The following NAALADL2 variants were observed in gnomAD, a reference collection of about 807,000 sequenced individuals.
NAALADL2 encodes the protein inactive N-acetylated-alpha-linked acidic dipeptidase-like protein 2.
A neutral mutation model predicts 87.2 loss-of-function variants in NAALADL2; 76 were observed. That is an observed-to-expected ratio of 0.87 (90% CI 0.72 to 1.05). The LOEUF is 1.05. Among genes scored for constraint, NAALADL2 ranks in the 50% least tolerant of loss-of-function variants. NAALADL2 has a pLI of 0.00. For missense variants in NAALADL2, 1,089 were observed against 945.8 expected (o/e 1.15, Z -1.99); for synonymous variants, 354 against 331.0 (o/e 1.07, Z -0.75).
At chr3:174,476,257 T>G in intron 1 of NAALADL2, among the ~76,000 whole-genome samples, 1 of 133,474 alleles carries the variant, frequency 7.5e-6, no homozygotes, top group South Asian at 2.4e-4. Context: ...AGCAGTAGTC[T>G]TTTTTTTTTT....
chr3:175,494,106 T>A (rs1445030379), intron 9 of NAALADL2, among the ~76,000 whole-genome samples: 2 of 149,412 alleles, frequency 1.3e-5, no homozygotes, highest in African/African-American at 2.5e-5. Flanking sequence ...ATTTTGGAAA[T>A]TATACTGTGA....
intron 1 of NAALADL2, among the ~76,000 whole-genome samples, chr3:174,475,156 G>T (rs935402650): frequency 6.6e-6 from 1 of 150,604 alleles, no homozygotes; most frequent in African/African-American, 2.4e-5. Context: ...TCAAGCCACT[G>T]GTAAATTAGA....
intron 2 of NAALADL2, among the ~76,000 whole-genome samples, chr3:174,723,383 A>G (rs1382459803): frequency 1.3e-5 from 2 of 152,082 alleles, no homozygotes; most frequent in Non-Finnish European, 2.9e-5. Flanking sequence ...CTAACACCCA[A>G]CCTACTTGGT....
intron 2 of NAALADL2, among the ~76,000 whole-genome samples, chr3:174,650,385 A>G (rs1363321929): frequency 6.6e-6 from 1 of 152,162 alleles, no homozygotes; most frequent in East Asian, 1.9e-4. Flanking sequence ...ATGTAAGCAT[A>G]TTAAAGCCTC....
intron 1 of NAALADL2, among the ~76,000 whole-genome samples, chr3:174,542,526 T>A (rs1308495161): frequency 1.3e-5 from 2 of 152,072 alleles, no homozygotes; most frequent in African/African-American, 4.8e-5. Flanking sequence ...AGACACAAAC[T>A]ATAGTGAGAG....
chr3:174,503,408 C>T (rs1240078426), intron 1 of NAALADL2, among the ~76,000 whole-genome samples: 1 of 151,964 alleles, frequency 6.6e-6, no homozygotes, highest in African/African-American at 2.4e-5. Context: ...TAAAACAACA[C>T]AAAAATTTTT....
At chr3:175,045,222 A>G (rs1211201967) in intron 1 of NAALADL2, among the ~76,000 whole-genome samples, 1 of 152,094 alleles carries the variant, frequency 6.6e-6, no homozygotes, top group Non-Finnish European at 1.5e-5. Flanking sequence ...GTTTAAGTCT[A>G]ACTTTCATAC....
At chr3:174,864,465 G>T (rs1447819473) in intron 1 of NAALADL2, among the ~76,000 whole-genome samples, 1 of 151,914 alleles carries the variant, frequency 6.6e-6, no homozygotes, top group Non-Finnish European at 1.5e-5. Flanking sequence ...AATCCCCTTT[G>T]ATTTAAATAA....
chr3:174,663,239 A>T (rs1215650197), intron 2 of NAALADL2, among the ~76,000 whole-genome samples: 1 of 152,158 alleles, frequency 6.6e-6, no homozygotes, highest in Non-Finnish European at 1.5e-5. Flanking sequence ...TGAAAAGTGG[A>T]TGACAAAAAT....
At position 175,809,041 on chromosome 3, in the gene NAALADL2, G is replaced by A. The variant is rs1261153500; in HGVS notation, c.*5838G>A. Reference sequence around the variant, plus strand: ...AATTTCTTAGATGCTTTCAGTGTATGTGCTAGTGTTTTATTAATATTAAAA... The same window carrying A: ...AATTTCTTAGATGCTTTCAGTGTATATGCTAGTGTTTTATTAATATTAAAA... On this transcript the variant is annotated 3_prime_UTR_variant, in exon 14 of 14. Coordinates refer to ENST00000454872, the MANE Select transcript of NAALADL2 (RefSeq NM_207015.3). 1 of 151,868 alleles carries A rather than the reference G, an allele frequency of 6.6e-6. No individual in the cohort carries two copies. Among genetic ancestry groups the A allele is most frequent in the African/African-American group, 2.4e-5 (1 of 41,384 alleles). 9.4% of individuals were successfully genotyped at this position (151,868 alleles called of 1,614,324 possible).
chr3:174,983,422 G>C (rs1274299068), intron 1 of NAALADL2, among the ~76,000 whole-genome samples: 1 of 152,124 alleles, frequency 6.6e-6, no homozygotes, highest in African/African-American at 2.4e-5. Flanking sequence ...GCTTTGGCTT[G>C]GTTGTATCTT....
intron 2 of NAALADL2, among the ~76,000 whole-genome samples, chr3:174,705,646 G>A (rs1327623406): frequency 1.3e-5 from 2 of 152,050 alleles, no homozygotes; most frequent in South Asian, 2.1e-4. Flanking sequence ...AGCCGGGCGT[G>A]GTGGTGGGCG....
intron 1 of NAALADL2, among the ~76,000 whole-genome samples, chr3:174,995,643 A>G (rs376545699): frequency 5.3e-5 from 8 of 152,280 alleles, no homozygotes; most frequent in African/African-American, 1.4e-4. Flanking sequence ...GTGCTTTTAA[A>G]GTTGCTTTTA....
At chr3:175,793,807 C>G (rs193248893) in intron 13 of NAALADL2, among the ~76,000 whole-genome samples, 1 of 151,968 alleles carries the variant, frequency 6.6e-6, no homozygotes, top group Admixed American at 6.6e-5. Flanking sequence ...AGTTTCTATC[C>G]CTAAGCAACT....
At chr3:175,080,630 A>T (rs182628777) in intron 1 of NAALADL2, among the ~76,000 whole-genome samples, 1 of 152,336 alleles carries the variant, frequency 6.6e-6, no homozygotes, top group Admixed American at 6.5e-5. Flanking sequence ...AAATGAGAAT[A>T]TTAGTTTTCC....
rs116446984 is a variant in NAALADL2 at position 174,703,699 on chromosome 3, A to C, written c.-114-33942A>C. Among the ~76,000 whole-genome samples the C allele has an allele frequency of 2.9e-3, 445 of 152,242 alleles. 2 individuals carry two copies. The highest frequency in any genetic ancestry group is 0.01 in the African/African-American group (426 of 41,554). ...TTAGCTACACCAGATTATCATGTAGATTTTATAACCTCGTTAAGGTACAGT... is the reference window on the plus strand; with the variant it reads ...TTAGCTACACCAGATTATCATGTAGCTTTTATAACCTCGTTAAGGTACAGT... On this transcript the variant is annotated intron_variant, in intron 2 of 3. Transcript: ENST00000434257.
chr3:174,806,985 C>T (rs1374906372), intron 3 of NAALADL2, among the ~76,000 whole-genome samples: 1 of 151,984 alleles, frequency 6.6e-6, no homozygotes, highest in Non-Finnish European at 1.5e-5. Flanking sequence ...GATTAGGTGT[C>T]TTGATACAGT....
chr3:174,560,421 G>C (rs770584676), intron 2 of NAALADL2, among the ~76,000 whole-genome samples: 1 of 152,130 alleles, frequency 6.6e-6, no homozygotes, highest in Non-Finnish European at 1.5e-5. Context: ...ATGCAAAGTA[G>C]AGCCTAAAAA....
chr3:174,927,376 A>G (rs1394728902), intron 1 of NAALADL2, among the ~76,000 whole-genome samples: 2 of 152,114 alleles, frequency 1.3e-5, no homozygotes, highest in Non-Finnish European at 2.9e-5. Context: ...CATCTACAGA[A>G]CTCTCCACCT....
Sources: allele counts gnomAD v4.1 joint callset (sites outside exome capture counted in the v4.1 genomes callset), GRCh38; gene constraint gnomAD v4.1.1; transcripts MANE v1.5; gene names NCBI Gene and HGNC (gene_info 2026-07-23, HGNC 2026-07-21).